CHST9: variants seen among roughly 807,000 people sequenced by gnomAD.
CHST9 encodes carbohydrate sulfotransferase 9.
In CHST9, 41 loss-of-function variants were observed where a neutral mutation model predicts 44.4. The ratio of observed to expected loss-of-function variants is 0.92; its 90% CI spans 0.72 to 1.20. The LOEUF is 1.20. Among genes scored for constraint, CHST9 ranks in the 50% most tolerant of loss-of-function variants. CHST9 has a pLI of 0.00. For missense variants in CHST9, 504 were observed against 516.5 expected (o/e 0.98, Z 0.23); for synonymous variants, 171 against 178.4 (o/e 0.96, Z 0.33).
intron 4 of CHST9, among the ~76,000 whole-genome samples, chr18:27,007,339 A>G (rs1378563305): frequency 2.0e-5 from 3 of 152,182 alleles, no homozygotes; most frequent in African/African-American, 4.8e-5. Flanking sequence ...AAGAAGAGGG[A>G]AAGTGTCCAG....
intron 4 of CHST9, among the ~76,000 whole-genome samples, chr18:27,007,701 G>C (rs2057033206): frequency 6.6e-6 from 1 of 152,182 alleles, no homozygotes; most frequent in South Asian, 2.1e-4. Context: ...GATTAGGACA[G>C]GTCATGTCAG....
chr18:26,952,398 G>A, intron 4 of CHST9: 1 of 452,464 alleles, frequency 2.2e-6, no homozygotes, highest in Non-Finnish European at 4.3e-6. Flanking sequence ...TGGGGATTTT[G>A]TACATAGAGA....
intron 2 of CHST9, among the ~76,000 whole-genome samples, chr18:27,049,203 G>T (rs990216292): frequency 6.6e-6 from 1 of 152,136 alleles, no homozygotes; most frequent in Non-Finnish European, 1.5e-5. Context: ...GAGTGGAGAG[G>T]AGGGAAGTAG....
intron 2 of CHST9, among the ~76,000 whole-genome samples, chr18:27,115,888 T>C (rs12963367): frequency 0.32 from 47,990 of 152,116 alleles, 8,210 homozygotes; most frequent in Non-Finnish European, 0.39. Context: ...ATTTCCCTGA[T>C]GACTAACAAT....
intron 3 of CHST9, among the ~76,000 whole-genome samples, chr18:27,043,201 C>A (rs1271013516): frequency 2.6e-5 from 4 of 151,958 alleles, no homozygotes; most frequent in Non-Finnish European, 5.9e-5. Context: ...TTCAGCCTTG[C>A]CTTGTCTCTT....
intron 1 of CHST9, among the ~76,000 whole-genome samples, chr18:27,150,667 G>T: frequency 6.6e-6 from 1 of 152,106 alleles, no homozygotes; most frequent in East Asian, 1.9e-4. Context: ...TGTTTAGTGA[G>T]CAGACTAGAA....
At chr18:27,036,625 T>G (rs2057392955) in intron 3 of CHST9, among the ~76,000 whole-genome samples, 1 of 152,196 alleles carries the variant, frequency 6.6e-6, no homozygotes, top group Non-Finnish European at 1.5e-5. Context: ...ACTTCCTACC[T>G]GCCTAAGACC....
At position 26,969,240 on chromosome 18, in the gene CHST9, G is replaced by A. The variant is rs997437318; in HGVS notation, c.203-24874C>T. Among the ~76,000 whole-genome samples the A allele has an allele frequency of 4.6e-5, 7 of 151,928 alleles. No homozygotes were observed. The South Asian group carries it at 8.3e-4, about 18-fold the overall frequency. ...GTTGGTCTCGATCTCCTGACCTTGT[G>A]ATCCACCCGCCTCAGCTTCCCAAAG... On this transcript the variant is annotated intron_variant, in intron 4 of 5. Transcript: ENST00000618847.
intron 4 of CHST9, among the ~76,000 whole-genome samples, chr18:26,960,145 T>C (rs183864119): frequency 5.3e-5 from 8 of 152,242 alleles, no homozygotes; most frequent in African/African-American, 1.9e-4. Flanking sequence ...CAGTAAAACA[T>C]CCCACAGGAG....
At chr18:27,093,577 C>G (rs2058089297) in intron 2 of CHST9, among the ~76,000 whole-genome samples, 1 of 152,220 alleles carries the variant, frequency 6.6e-6, no homozygotes, top group Admixed American at 6.5e-5. Flanking sequence ...ATCACGTTGT[C>G]TGCAGGTTGC....
At chr18:27,178,092 A>G (rs2058882679) in intron 1 of CHST9, among the ~76,000 whole-genome samples, 1 of 152,040 alleles carries the variant, frequency 6.6e-6, no homozygotes, top group Non-Finnish European at 1.5e-5. Context: ...ATGTTGGGCC[A>G]TTCAACAGAC....
intron 3 of CHST9, among the ~76,000 whole-genome samples, chr18:27,047,912 A>G (rs1308090929): frequency 6.6e-6 from 1 of 152,172 alleles, no homozygotes; most frequent in African/African-American, 2.4e-5. Context: ...GAAAATGTAA[A>G]AACTTAATTT....
intron 4 of CHST9, among the ~76,000 whole-genome samples, chr18:26,989,435 T>C (rs1237952416): frequency 2.6e-5 from 4 of 152,202 alleles, no homozygotes; most frequent in African/African-American, 7.2e-5. Flanking sequence ...CATACCTGCA[T>C]TGTCATTGAT....
chr18:27,069,637 A>C (rs8096542), intron 2 of CHST9, among the ~76,000 whole-genome samples: 58,591 of 152,034 alleles, frequency 0.39, 11,671 homozygotes, highest in South Asian at 0.5. Context: ...ACATACTCTG[A>C]AATATCTATT....
chr18:26,987,249 C>T (rs2056764441), intron 4 of CHST9, among the ~76,000 whole-genome samples: 1 of 152,124 alleles, frequency 6.6e-6, no homozygotes, highest in African/African-American at 2.4e-5. Context: ...ACCAAGACAT[C>T]CCTTAGGTTT....
chr18:27,152,236 T>C (rs1311621959), intron 1 of CHST9, among the ~76,000 whole-genome samples: 2 of 152,202 alleles, frequency 1.3e-5, no homozygotes, highest in Non-Finnish European at 2.9e-5. Context: ...TAAGACTTAA[T>C]TATAATTAAA....
intron 4 of CHST9, among the ~76,000 whole-genome samples, chr18:26,996,719 A>ACTCCAAGAGTATCCTCCAAGG (rs1411278236): frequency 6.6e-6 from 1 of 152,180 alleles, no homozygotes. Flanking sequence ...TACTGTCCAA[A>ACTCCAAGAGTATCCTCCAAGG]ATACTCTCTT....
rs1568137649 is a variant in CHST9 at position 27,024,150 on chromosome 18, T to C, written c.168A>G (p.Gly56=). ...RREQKVTSGW[G]PVKYLRPVPR... ...GTACAGGCCGCAAGTACTTCACTGG[T>C]CCCCATCCTGAAAAAGAAGAGGAAA... Residue 56 remains glycine (G), a synonymous_variant, in exon 4 of 6, where the codon GGA becomes GGG. Transcript: ENST00000618847. 6.2e-7 allele frequency: 1 copy of C among 1,610,782 alleles called. No individual in the cohort carries two copies. The highest frequency in any genetic ancestry group is 1.7e-5 in the Admixed American group (1 of 59,312).
At chr18:26,999,611 A>G (rs1363190810) in intron 4 of CHST9, among the ~76,000 whole-genome samples, 1 of 152,132 alleles carries the variant, frequency 6.6e-6, no homozygotes, top group Non-Finnish European at 1.5e-5. Flanking sequence ...ACAAACATTT[A>G]AAAGTTTATA....
Sources: allele counts gnomAD v4.1 joint callset (sites outside exome capture counted in the v4.1 genomes callset), GRCh38; gene constraint gnomAD v4.1.1; transcripts MANE v1.5; gene names NCBI Gene and HGNC (gene_info 2026-07-23, HGNC 2026-07-21).